ETNK1: variants seen among roughly 807,000 people sequenced by gnomAD.
ETNK1 encodes the protein putative protein product of Nbla10396.
A neutral mutation model predicts 45.1 loss-of-function variants in ETNK1; 8 were observed. The observed-to-expected ratio is 0.18, with a 90% CI of 0.10 to 0.32. The LOEUF (loss-of-function observed/expected upper bound fraction) is 0.32. Among genes scored for constraint, ETNK1 ranks in the 10% least tolerant of loss-of-function variants. The pLI is 1.00. For synonymous variants in ETNK1, 152 were observed against 151.9 expected, an observed-to-expected ratio of 1.00 and a Z score of -0.01; for missense variants, 302 against 430.6, an observed-to-expected ratio of 0.70 and a Z score of 2.64.
chr12:22,650,187 T>A (rs898974005), intron 2 of ETNK1, among the ~76,000 whole-genome samples: 1 of 152,082 alleles, frequency 6.6e-6, no homozygotes, highest in Non-Finnish European at 1.5e-5. Flanking sequence ...CGAGGTTTTT[T>A]TGGTCCATTC....
intron 1 of ETNK1, among the ~76,000 whole-genome samples, chr12:22,634,118 C>T (rs1953622045): frequency 1.3e-5 from 2 of 151,878 alleles, no homozygotes; most frequent in African/African-American, 4.8e-5. Context: ...AAGCAAGTTT[C>T]TTTTTATTCT....
intron 4 of ETNK1, among the ~76,000 whole-genome samples, chr12:22,661,850 CTG>C: frequency 6.6e-6 from 1 of 152,156 alleles, no homozygotes; most frequent in African/African-American, 2.4e-5. Context: ...TATTTGTACA[CTG>C]TATTCAATTT....
rs1954287430 is a variant in ETNK1 at position 22,689,613 on chromosome 12, A to G, written c.*4659A>G. 6.6e-6 allele frequency: 1 copy of G among 152,042 alleles called. No homozygotes were observed. The highest frequency in any genetic ancestry group is 2.4e-5 in the African/African-American group (1 of 41,444). The allele number at this position is 152,042 out of a possible 1,614,324, so 9.4% of individuals were successfully genotyped here. A position where few individuals can be genotyped will look rare whatever the true frequency, so the allele number is the denominator to read the frequency against. The stretch of plus-strand genomic sequence containing the variant: ...AGTAAGAAAAAAACTAGCCAACAGA[A>G]TTGTAGGTGATGCATTAGTTAAATT... On this transcript the variant is annotated 3_prime_UTR_variant, in exon 8 of 8. Coordinates refer to ENST00000266517, the MANE Select transcript of ETNK1 (RefSeq NM_018638.5).
At chr12:22,673,163 G>A (rs1954127402) in intron 5 of ETNK1, among the ~76,000 whole-genome samples, 1 of 152,106 alleles carries the variant, frequency 6.6e-6, no homozygotes. Context: ...TTGAGGTAGT[G>A]CTCCAAATGT....
intron 1 of ETNK1, 38 bp downstream of exon 1, chr12:22,625,624 C>A: frequency 1.3e-6 from 2 of 1,528,676 alleles, no homozygotes; most frequent in South Asian, 2.4e-5. Context: ...TCTTATGCCC[C>A]TCACGCGGCT....
At chr12:22,675,813 A>G (rs1388068023) in intron 6 of ETNK1, among the ~76,000 whole-genome samples, 1 of 152,220 alleles carries the variant, frequency 6.6e-6, no homozygotes, top group East Asian at 1.9e-4. Context: ...AAAAAAAGAT[A>G]AAGGACAATT....
At chr12:22,640,339 G>T (rs1480037665) in intron 1 of ETNK1, among the ~76,000 whole-genome samples, 1 of 151,492 alleles carries the variant, frequency 6.6e-6, no homozygotes, top group African/African-American at 2.4e-5. Context: ...AACGCATATA[G>T]GGTAGTACTA....
At chr12:22,639,409 G>T (rs1953701487) in intron 1 of ETNK1, among the ~76,000 whole-genome samples, 2 of 152,056 alleles carry the variant, frequency 1.3e-5, no homozygotes, top group Admixed American at 1.3e-4. Context: ...GGGCGCTGTG[G>T]CTCACACATG....
intron 4 of ETNK1, among the ~76,000 whole-genome samples, chr12:22,663,192 C>G (rs1379356874): frequency 2.0e-5 from 3 of 152,010 alleles, no homozygotes; most frequent in African/African-American, 7.2e-5. Context: ...TACTGGTAAC[C>G]AAATCTCAAT....
At position 22,689,507 on chromosome 12, in the gene ETNK1, C is replaced by G. The variant is rs1015786528; in HGVS notation, c.*4553C>G. On this transcript the variant is annotated 3_prime_UTR_variant, in exon 8 of 8. Coordinates refer to ENST00000266517, the MANE Select transcript of ETNK1 (RefSeq NM_018638.5). ...TTACCCATTTGTTGTATTTCAAATGCCATTAATCATTTTAGTACAACACCT... is the reference window on the plus strand; with the variant it reads ...TTACCCATTTGTTGTATTTCAAATGGCATTAATCATTTTAGTACAACACCT... 5 of 151,928 alleles carry G rather than the reference C, an allele frequency of 3.3e-5. No individual in the cohort carries two copies. Among genetic ancestry groups the G allele is most frequent in the Non-Finnish European group, 7.4e-5 (5 of 67,864 alleles). The allele number at this position is 151,928 out of a possible 1,614,324, so 9.4% of individuals were successfully genotyped here. A position where few individuals can be genotyped will look rare whatever the true frequency, so the allele number is the denominator to read the frequency against.
rs1484430815 is a variant in ETNK1 at position 22,689,741 on chromosome 12, G to A, written c.*4787G>A. ...GAAAAGACCCCAAAAAGGCAGTAGA[G>A]GAGATTAGTGTTTACTTGCTGTGGT... On this transcript the variant is annotated 3_prime_UTR_variant, in exon 8 of 8. Coordinates refer to ENST00000266517, the MANE Select transcript of ETNK1 (RefSeq NM_018638.5). The A allele has an allele frequency of 6.6e-6, 1 of 151,970 alleles. No homozygotes were observed. The highest frequency in any genetic ancestry group is 6.6e-5 in the Admixed American group (1 of 15,256). The allele number at this position is 151,970 out of a possible 1,614,324, so 9.4% of individuals were successfully genotyped here.
At chr12:22,680,456 T>C (rs1265569843) in intron 6 of ETNK1, among the ~76,000 whole-genome samples, 1 of 152,226 alleles carries the variant, frequency 6.6e-6, no homozygotes, top group Admixed American at 6.5e-5. Flanking sequence ...CAAACTCTTA[T>C]TTCCCACTAC....
intron 2 of ETNK1, among the ~76,000 whole-genome samples, chr12:22,647,615 C>A (rs1953823161): frequency 6.6e-6 from 1 of 151,858 alleles, no homozygotes; most frequent in African/African-American, 2.4e-5. Flanking sequence ...TAAAAAATAG[C>A]TTAACTGTGG....
chr12:22,670,224 GA>G (rs1333801251), intron 4 of ETNK1, among the ~76,000 whole-genome samples: 1 of 152,118 alleles, frequency 6.6e-6, no homozygotes, highest in Non-Finnish European at 1.5e-5. Flanking sequence ...ACCTAAGCCT[GA>G]TGATTAAAAG....
At chr12:22,640,970 G>C (rs1204598829) in intron 1 of ETNK1, among the ~76,000 whole-genome samples, 2 of 152,166 alleles carry the variant, frequency 1.3e-5, no homozygotes, top group East Asian at 3.8e-4. Flanking sequence ...TATAGCTAGA[G>C]TGTGTATAGT....
At chr12:22,670,313 A>T (rs1954095339) in intron 4 of ETNK1, among the ~76,000 whole-genome samples, 1 of 151,734 alleles carries the variant, frequency 6.6e-6, no homozygotes, top group African/African-American at 2.4e-5. Context: ...TTTTAACTCC[A>T]CGCCCCTGTA....
chr12:22,646,258 GA>G (rs888255449), intron 2 of ETNK1, among the ~76,000 whole-genome samples: 1 of 151,788 alleles, frequency 6.6e-6, no homozygotes, highest in Non-Finnish European at 1.5e-5. Flanking sequence ...CTAAGGGAGG[GA>G]AAGGCAAGTT....
At chr12:22,655,847 T>C (rs777114764) in intron 2 of ETNK1, among the ~76,000 whole-genome samples, 4 of 152,226 alleles carry the variant, frequency 2.6e-5, no homozygotes, top group Non-Finnish European at 5.9e-5. Flanking sequence ...AGATGAATTA[T>C]TTGTTTAAGT....
intron 2 of ETNK1, among the ~76,000 whole-genome samples, chr12:22,646,516 TG>T (rs1435395083): frequency 6.6e-6 from 1 of 151,864 alleles, no homozygotes; most frequent in African/African-American, 2.4e-5. Context: ...AGGGACTTAC[TG>T]ACAATTTGGG....
Sources: allele counts gnomAD v4.1 joint callset (sites outside exome capture counted in the v4.1 genomes callset), GRCh38; gene constraint gnomAD v4.1.1; transcripts MANE v1.5; gene names NCBI Gene and HGNC (gene_info 2026-07-23, HGNC 2026-07-21).